Variants in NETO2 observed in about 807,000 individuals in gnomAD.
The protein encoded by NETO2 is neuropilin and tolloid like 2.
Under a neutral mutation model 62.5 loss-of-function variants are expected in NETO2, and 28 were observed. The ratio of observed to expected loss-of-function variants is 0.45; its 90% CI spans 0.33 to 0.61. NETO2 has a LOEUF of 0.61. NETO2 is among the 20% of genes least tolerant of loss of function. The pLI, the probability that NETO2 is intolerant of heterozygous loss-of-function variation, is 0.02. For synonymous variants in NETO2, 214 were observed against 219.1 expected, an observed-to-expected ratio of 0.98 and a Z score of 0.21; for missense variants, 548 against 643.2, an observed-to-expected ratio of 0.85 and a Z score of 1.60.
At chr16:47,106,895 C>T (rs1272670874) in intron 7 of NETO2, among the ~76,000 whole-genome samples, 3 of 151,838 alleles carry the variant, frequency 2.0e-5, no homozygotes, top group Non-Finnish European at 2.9e-5. Flanking sequence ...AATTTTCATG[C>T]CTCACCCTGC....
At chr16:47,142,154 A>T (rs930626626) in intron 1 of NETO2, among the ~76,000 whole-genome samples, 1 of 152,232 alleles carries the variant, frequency 6.6e-6, no homozygotes, top group Non-Finnish European at 1.5e-5. Flanking sequence ...GAAAGAGTAA[A>T]AACATTCCTT....
At chr16:47,128,654 A>ACAGT in intron 3 of NETO2, 81 bp from the exon 4 acceptor site, 16 of 1,475,020 alleles carry the variant, frequency 1.1e-5, no homozygotes, top group Non-Finnish European at 1.4e-5. Context: ...GAAAAGCAGA[A>ACAGT]TAACTGTTCT....
At chr16:47,110,385 A>G (rs115355242) in intron 6 of NETO2, among the ~76,000 whole-genome samples, 3,098 of 152,284 alleles carry the variant, frequency 0.02, 106 homozygotes, top group African/African-American at 0.07. Flanking sequence ...TTATTTCCTA[A>G]ACACTCTTGA....
chr16:47,117,381 G>A (rs974660847), intron 6 of NETO2, among the ~76,000 whole-genome samples: 2 of 152,162 alleles, frequency 1.3e-5, no homozygotes, highest in African/African-American at 4.8e-5. Context: ...TGTTCACTGA[G>A]CTCCTTAAAT....
chr16:47,112,220 T>G (rs886626312), intron 6 of NETO2, among the ~76,000 whole-genome samples: 26 of 152,182 alleles, frequency 1.7e-4, no homozygotes, highest in Admixed American at 1.5e-3. Context: ...GACTGGCTTC[T>G]TTTTATATTT....
intron 8 of NETO2, among the ~76,000 whole-genome samples, chr16:47,085,034 T>C (rs1226081659): frequency 6.6e-6 from 1 of 152,190 alleles, no homozygotes; most frequent in Non-Finnish European, 1.5e-5. Context: ...GGTTGGGGAC[T>C]GCTGTCTTAG....
At chr16:47,133,749 CA>C (rs1964316819) in intron 1 of NETO2, among the ~76,000 whole-genome samples, 1 of 152,048 alleles carries the variant, frequency 6.6e-6, no homozygotes. Context: ...AAGGCTACAG[CA>C]GTATAGTAGG....
intron 8 of NETO2, among the ~76,000 whole-genome samples, chr16:47,085,309 G>C (rs536418303): frequency 2.3e-3 from 344 of 151,940 alleles, no homozygotes; most frequent in African/African-American, 8.1e-3. Flanking sequence ...AATTAAATAA[G>C]GTATGTTTAC....
At chr16:47,142,878 G>A (rs1293980287) in intron 1 of NETO2, among the ~76,000 whole-genome samples, 2 of 152,172 alleles carry the variant, frequency 1.3e-5, no homozygotes, top group Non-Finnish European at 1.5e-5. Context: ...AGTAAGAACC[G>A]AACACCAGCG....
chr16:47,122,977 C>T, intron 4 of NETO2, 65 bp from the exon 5 acceptor site: 2 of 1,453,972 alleles, frequency 1.4e-6, no homozygotes, highest in Non-Finnish European at 1.9e-6. Context: ...CGATGTCTTA[C>T]ATTACATCTA....
At chr16:47,131,786 C>T (rs1964270590) in intron 2 of NETO2, among the ~76,000 whole-genome samples, 183 bp downstream of exon 2, 1 of 152,160 alleles carries the variant, frequency 6.6e-6, no homozygotes, top group African/African-American at 2.4e-5. Flanking sequence ...AGACTTTATG[C>T]TGACAATTTA....
At chr16:47,122,264 A>G (rs1437846151) in intron 6 of NETO2, among the ~76,000 whole-genome samples, 1 of 152,166 alleles carries the variant, frequency 6.6e-6, no homozygotes, top group East Asian at 1.9e-4. Flanking sequence ...GATTGCTACG[A>G]CCAACTCTGT....
chr16:47,130,384 C>T (rs1163938947), intron 2 of NETO2, among the ~76,000 whole-genome samples: 2 of 151,726 alleles, frequency 1.3e-5, no homozygotes, highest in African/African-American at 4.8e-5. Flanking sequence ...TTTTTAGTGC[C>T]CCTCTTAAAA....
rs1963010781 is a variant in NETO2 at position 47,078,216 on chromosome 16, C to T, written c.*5005G>A. On this transcript the variant is annotated 3_prime_UTR_variant, in exon 9 of 9. Coordinates refer to ENST00000562435, the MANE Select transcript of NETO2 (RefSeq NM_018092.5). ...TTTGGAAGCTAGTGGATAGGAAATG[C>T]CAACTTTGCCCCGGAAGGAAATACA... 1.3e-5 allele frequency: 2 copies of T among 152,160 alleles called. No individual in the cohort carries two copies. The highest frequency in any genetic ancestry group is 4.1e-4 in the South Asian group (2 of 4,836). 9.4% of individuals were successfully genotyped at this position (152,160 alleles called of 1,614,324 possible).
chr16:47,109,786 G>A (rs1963754111), intron 6 of NETO2, 75 bp from the exon 7 acceptor site: 1 of 978,940 alleles, frequency 1.0e-6, no homozygotes, highest in African/African-American at 1.6e-5. Context: ...ATTTTCCACA[G>A]ACAACATGGG....
intron 1 of NETO2, among the ~76,000 whole-genome samples, chr16:47,132,873 T>C (rs2151492423): frequency 6.6e-6 from 1 of 152,318 alleles, no homozygotes; most frequent in South Asian, 2.1e-4. Flanking sequence ...TTCATGAATC[T>C]AGGCTAGGGT....
At chr16:47,134,753 G>T (rs1019146504) in intron 1 of NETO2, among the ~76,000 whole-genome samples, 1 of 152,188 alleles carries the variant, frequency 6.6e-6, no homozygotes, top group Non-Finnish European at 1.5e-5. Context: ...CGGCAACTAT[G>T]GCAAAGGGAT....
chr16:47,091,231 T>C (rs1472823435), intron 7 of NETO2, among the ~76,000 whole-genome samples: 6 of 152,316 alleles, frequency 3.9e-5, no homozygotes, highest in South Asian at 2.1e-4. Context: ...ATTTGGGATA[T>C]GAAGTTAAAT....
Position 47,083,762 on chromosome 16 carries a change from G to A in NETO2, c.1037C>T (p.Thr346Ile). 2 of 1,607,740 alleles carry A rather than the reference G, an allele frequency of 1.2e-6. No individual in the cohort carries two copies. Among genetic ancestry groups the A allele is most frequent in the African/African-American group, 1.3e-5 (1 of 74,850 alleles). ...AGTAATGCCAATAATTGTTCCATGA[G>A]TCTTAGTGATTTGTTCAAATACTCC... ...KAGVFEQITKTHGTIIGITSG... is the reference protein window; with the variant it reads ...KAGVFEQITKIHGTIIGITSG... The change falls in exon 9 of 9, where the codon ACT becomes ATT. Residue 346 changes from threonine to isoleucine, a missense_variant. Coordinates refer to ENST00000562435, the MANE Select transcript of NETO2 (RefSeq NM_018092.5).
Sources: gnomAD v4.1 joint callset for allele counts (sites outside exome capture counted in the v4.1 genomes callset) on GRCh38, gnomAD v4.1.1 for gene constraint, MANE v1.5 for transcripts, NCBI Gene and HGNC (gene_info 2026-07-23, HGNC 2026-07-21) for gene names.